WWP2: variants seen among roughly 807,000 people sequenced by gnomAD.
The protein encoded by WWP2 is NEDD4-like E3 ubiquitin-protein ligase WWP2.
Under a neutral mutation model 121.0 loss-of-function variants are expected in WWP2, and 57 were observed. The observed-to-expected ratio is 0.47, with a 90% confidence interval of 0.38 to 0.59. The LOEUF is 0.59. WWP2 is among the 20% of genes least tolerant of loss of function. WWP2 has a pLI of 0.00. For missense variants in WWP2, 962 were observed against 1,158.9 expected (o/e 0.83, Z 2.47); for synonymous variants, 449 against 441.3 (o/e 1.02, Z -0.22).
Position 69,908,749 on chromosome 16 carries a change from T to A in WWP2, c.915-12T>A. 6.2e-7 allele frequency: 1 copy of A among 1,613,754 alleles called. No individual in the cohort carries two copies. The highest frequency in any genetic ancestry group is 8.5e-7 in the Non-Finnish European group (1 of 1,179,942). On this transcript the variant is annotated splice_polypyrimidine_tract_variant and intron_variant, in intron 8 of 23. Transcript: ENST00000359154. The stretch of plus-strand genomic sequence containing the variant: ...CTGTGTGTCTCATGCTACCCTTGAC[T>A]TTATTTTTCAGATGGGAACAGCGAG...
chr16:69,821,079 C>T (rs917584743), intron 4 of WWP2, among the ~76,000 whole-genome samples: 1 of 152,218 alleles, frequency 6.6e-6, no homozygotes, highest in African/African-American at 2.4e-5. Context: ...GTTACATCAG[C>T]GACTACTGTT....
intron 9 of WWP2, among the ~76,000 whole-genome samples, chr16:69,915,544 GTC>G (rs952011444): frequency 4.2e-4 from 64 of 152,140 alleles, no homozygotes; most frequent in Non-Finnish European, 7.8e-4. Flanking sequence ...GTGAGATCCT[GTC>G]TCTGTATTAA....
At chr16:69,897,248 A>G (rs1054730019) in intron 8 of WWP2, among the ~76,000 whole-genome samples, 1 of 152,002 alleles carries the variant, frequency 6.6e-6, no homozygotes, top group Middle Eastern at 3.2e-3. Flanking sequence ...GACCACAGGC[A>G]CATCCTACCA....
Position 69,926,574 on chromosome 16 carries a change from C to T in WWP2, c.1234+1090C>T, listed in dbSNP as rs567480342. Among the ~76,000 whole-genome samples, 172 of 152,220 alleles carry T rather than the reference C, an allele frequency of 1.1e-3. 1 individual carries two copies. The highest frequency in any genetic ancestry group is 1.5e-3 in the Non-Finnish European group (99 of 68,004). ...TAGTTATTTAAGAGGTTGTGTCAAC[C>T]CTGTTATACCTGCAGGGTACCACTT... is the stretch of plus-strand genomic sequence containing the variant. On this transcript the variant is annotated intron_variant, in intron 11 of 23. Coordinates refer to ENST00000359154, the MANE Select transcript of WWP2 (RefSeq NM_001270454.2).
At chr16:69,772,172 G>T (rs1457260996) in intron 1 of WWP2, among the ~76,000 whole-genome samples, 3 of 151,764 alleles carry the variant, frequency 2.0e-5, no homozygotes, top group Non-Finnish European at 2.9e-5. Context: ...TGTTGGTCAG[G>T]CTGGTCTCGA....
intron 6 of WWP2, among the ~76,000 whole-genome samples, chr16:69,845,483 G>A (rs1271462416): frequency 6.6e-6 from 1 of 152,162 alleles, no homozygotes; most frequent in Non-Finnish European, 1.5e-5. Flanking sequence ...AGCTTTTGCT[G>A]TCTGAAGGGT....
intron 1 of WWP2, among the ~76,000 whole-genome samples, chr16:69,768,786 T>C (rs1360859127): frequency 6.6e-6 from 1 of 152,232 alleles, no homozygotes; most frequent in Non-Finnish European, 1.5e-5. Context: ...TCCAATAGTG[T>C]ACCTCCCTGC....
chr16:69,806,536 C>T (rs370402724), intron 4 of WWP2, among the ~76,000 whole-genome samples: 4 of 152,260 alleles, frequency 2.6e-5, no homozygotes, highest in South Asian at 2.1e-4. Context: ...CTGGGTCTGG[C>T]ATCTTGCTTT....
rs1207691765 is a variant in WWP2, at chr16:69,871,851, G to A, written c.623G>A (p.Gly208Asp). 4 of 1,614,092 alleles carry A rather than the reference G, an allele frequency of 2.5e-6. No individual in the cohort carries two copies. The highest frequency in any genetic ancestry group is 3.4e-6 in the Non-Finnish European group (4 of 1,180,020). ...GASARTTPAT[G>D]EQSPGARSRH... is the part of the protein sequence containing the mutation. ...TCAGCCAGAACAACCCCAGCAACCGGCGAGCAAAGCCCCGGTGCTCGGAGC... is the reference window on the plus strand; with the variant it reads ...TCAGCCAGAACAACCCCAGCAACCGACGAGCAAAGCCCCGGTGCTCGGAGC... The change falls in exon 7 of 24, where the codon GGC (glycine) becomes GAC (aspartate). Residue 208 changes from glycine to aspartate, a missense_variant. Around this residue, in one of 3 missense-constraint regions of WWP2, gnomAD observed 211 missense variants for 196.5 expected, o/e 1.07. Coordinates refer to ENST00000359154, the MANE Select transcript of WWP2 (RefSeq NM_001270454.2).
At chr16:69,840,096 C>A (rs757524818) in intron 4 of WWP2, 30 bp from the exon 5 acceptor site, 7 of 1,613,810 alleles carry the variant, frequency 4.3e-6, no homozygotes, top group South Asian at 2.2e-5. Context: ...TTCTCTTTAG[C>A]CCATCCATGT....
chr16:69,869,926 A>G (rs1033601937), intron 6 of WWP2, among the ~76,000 whole-genome samples: 5 of 152,288 alleles, frequency 3.3e-5, no homozygotes, highest in East Asian at 3.9e-4. Flanking sequence ...GATCCTCCCA[A>G]TGGGGAACTT....
chr16:69,925,077 C>T lies in WWP2; in HGVS notation c.1180-353C>T. 1 of 1,048,752 alleles carries T rather than the reference C, an allele frequency of 9.5e-7. No homozygotes were observed. Among genetic ancestry groups the T allele is most frequent in the Non-Finnish European group, 1.1e-6 (1 of 870,936 alleles). 65.0% of individuals were successfully genotyped at this position (1,048,752 alleles called of 1,614,324 possible). ...GCCTTGAGCCGGAGCTGAGCGGAGG[C>T]ACTGGGCCGAGCCTGCTTCCCGGGC... On this transcript the variant is annotated intron_variant, in intron 10 of 23. Coordinates refer to ENST00000359154, the MANE Select transcript of WWP2 (RefSeq NM_001270454.2). The surrounding 1 kb of genome is among the most constrained non-coding windows in gnomAD (Gnocchi z 4.0).
Position 69,940,281 on chromosome 16 carries a change from C to T in WWP2, c.*341C>T. 1 of 270,604 alleles carries T rather than the reference C, an allele frequency of 3.7e-6. No individual in the cohort carries two copies. The highest frequency in any genetic ancestry group is 9.5e-5 in the South Asian group (1 of 10,556). 16.8% of individuals were successfully genotyped at this position (270,604 alleles called of 1,614,324 possible). A position where few individuals can be genotyped will look rare whatever the true frequency, so the allele number is the denominator to read the frequency against. On this transcript the variant is annotated 3_prime_UTR_variant, in exon 24 of 24. Transcript: ENST00000359154. ...AGGGAAGGTGTTGCATCCCCAGGGG[C>T]TGCCGCAGAGGCCGGAGACCTCCTG...
chr16:69,863,705 C>T (rs1276647278), intron 6 of WWP2, among the ~76,000 whole-genome samples: 1 of 152,166 alleles, frequency 6.6e-6, no homozygotes, highest in African/African-American at 2.4e-5. Context: ...GAAAGTTCCC[C>T]AGTGCCCCTT....
Position 69,937,124 on chromosome 16 carries a change from G to A in WWP2, c.2124G>A (p.Leu708=), listed in dbSNP as rs904035118. 19 of 1,613,858 alleles carry A rather than the reference G, an allele frequency of 1.2e-5. No individual in the cohort carries two copies. The highest frequency in any genetic ancestry group is 1.4e-5 in the Non-Finnish European group (17 of 1,179,978). Reference sequence around the variant, plus strand: ...GGCTGCTCTTTGGTCTCAGGCTGCTGACTGACTGGCGTTTCACCCGAGGCG... The same window carrying A: ...GGCTGCTCTTTGGTCTCAGGCTGCTAACTGACTGGCGTTTCACCCGAGGCG... ...EENKEEYIML[L]TDWRFTRGVE... Residue 708 remains leucine (L), a synonymous_variant, in exon 20 of 24, where the codon CTG becomes CTA. Coordinates refer to ENST00000359154, the MANE Select transcript of WWP2 (RefSeq NM_001270454.2). This position sits in a 1 kb window ranked among gnomAD's most constrained non-coding sequence, Gnocchi z 6.6.
intron 7 of WWP2, among the ~76,000 whole-genome samples, chr16:69,887,649 G>A (rs894750236): frequency 8.6e-5 from 13 of 151,904 alleles, no homozygotes; most frequent in Non-Finnish European, 1.6e-4. Flanking sequence ...CAAGTGATCC[G>A]CCTGCCTCAG....
intron 1 of WWP2, among the ~76,000 whole-genome samples, chr16:69,785,107 C>A (rs966899009): frequency 6.6e-6 from 1 of 151,742 alleles, no homozygotes; most frequent in Non-Finnish European, 1.5e-5. Flanking sequence ...GGTGCTGGTG[C>A]CTCTAATTCC....
At chr16:69,870,555 C>A (rs1486532736) in intron 6 of WWP2, among the ~76,000 whole-genome samples, 2 of 152,160 alleles carry the variant, frequency 1.3e-5, no homozygotes, top group East Asian at 1.9e-4. Context: ...CCCGCCTTGG[C>A]CTCCCAAAGT....
rs372589501 is a variant in WWP2 at position 69,888,168 on chromosome 16, C to T, written c.833C>T (p.Pro278Leu). The change falls in exon 8 of 24, where the codon CCG becomes CTG. Residue 278 changes from proline (P) to leucine (L), a missense_variant. Physicochemically the swap from Pro to Leu is moderately conservative, Grantham distance 98 (BLOSUM62 -3). This residue lies in a region of WWP2 where 211 missense variants were observed against 196.5 expected (regional missense o/e 1.07). Coordinates refer to ENST00000359154, the MANE Select transcript of WWP2 (RefSeq NM_001270454.2). ...NTTSLPAPAT[P>L]AEGEEPSTSG... ...ACTTCTCTCCCTGCCCCAGCCACAC[C>T]GGCTGAAGGAGAGGAACCCAGCACT... The T allele has an allele frequency of 1.3e-5, 21 of 1,614,094 alleles. No homozygotes were observed. Among genetic ancestry groups the T allele is most frequent in the South Asian group, 5.5e-5 (5 of 91,092 alleles).
Sources: allele counts gnomAD v4.1 joint callset (sites outside exome capture counted in the v4.1 genomes callset), GRCh38; gene constraint gnomAD v4.1.1; regional missense constraint gnomAD v4.1.1; non-coding constraint Gnocchi (gnomAD v3.1); transcripts MANE v1.5; gene names NCBI Gene and HGNC (gene_info 2026-07-23, HGNC 2026-07-21).